Variants in NMNAT2 observed in about 807,000 individuals in gnomAD.
NMNAT2 encodes the protein nicotinamide/nicotinic acid mononucleotide adenylyltransferase 2.
Under a neutral mutation model 41.6 loss-of-function variants are expected in NMNAT2, and 11 were observed. That is an observed-to-expected ratio of 0.26 (90% CI 0.17 to 0.44). The LOEUF (loss-of-function observed/expected upper bound fraction) is 0.44. NMNAT2 is among the 20% of genes least tolerant of loss of function. The pLI, the probability that NMNAT2 is intolerant of heterozygous loss-of-function variation, is 1.00. For synonymous variants in NMNAT2, 148 were observed against 151.2 expected (o/e 0.98, Z 0.16); for missense variants, 288 against 407.7 (o/e 0.71, Z 2.53).
rs1660324486 is a variant in NMNAT2, at chr1:183,249,723, GTGTGTGTGTT to G, written c.*2908_*2917del. The stretch of plus-strand genomic sequence containing the variant: ...TGTGTGTGTGTGTGTGTGTGTGTGT[GTGTGTGTGTT>G]TGGGGGGTAGGGGGTGCGGCGATGG... On this transcript the variant is annotated 3_prime_UTR_variant, in exon 11 of 11. Coordinates refer to ENST00000287713, the MANE Select transcript of NMNAT2 (RefSeq NM_015039.4). 1.3e-5 allele frequency: 2 copies of G among 150,792 alleles called. No individual in the cohort carries two copies. The highest frequency in any genetic ancestry group is 2.2e-4 in the South Asian group (1 of 4,608). The allele number at this position is 150,792 out of a possible 1,614,324, so 9.3% of individuals were successfully genotyped here. A position where few individuals can be genotyped will look rare whatever the true frequency, so the allele number is the denominator to read the frequency against.
chr1:183,255,662 GTTTTT>G (rs56106186), intron 10 of NMNAT2, among the ~76,000 whole-genome samples: 1 of 100,942 alleles, frequency 9.9e-6, no homozygotes, highest in Non-Finnish European at 2.0e-5. Context: ...ATTCCTAAGG[GTTTTT>G]TTTTTTTTTT....
At chr1:183,368,229 C>T (rs1265091706) in intron 1 of NMNAT2, among the ~76,000 whole-genome samples, 2 of 152,094 alleles carry the variant, frequency 1.3e-5, no homozygotes, top group Non-Finnish European at 2.9e-5. Flanking sequence ...AGCACTAGAA[C>T]AGACAGCAAG....
intron 1 of NMNAT2, among the ~76,000 whole-genome samples, chr1:183,330,947 TCTCAGACATGTTGAAGGAGCCTC>T (rs1417925732): frequency 6.6e-6 from 1 of 152,172 alleles, no homozygotes; most frequent in Non-Finnish European, 1.5e-5. Flanking sequence ...CCATTCAACC[TCTCAGACATGTTGAAGGAGCCTC>T]CTCTGTTTCT....
rs966715313 is a variant in NMNAT2 at position 183,294,704 on chromosome 1, C to A, written c.86-911G>T. 3.9e-5 allele frequency among the ~76,000 whole-genome samples: 6 copies of A among 152,236 alleles called. No individual in the cohort carries two copies. In the East Asian group the frequency reaches 1.2e-3, roughly 29 times the overall value. Reference sequence around the variant, plus strand: ...ACTCGGGAGACTGAGGCAGGAGAATCGCTTGAACCCGGGCAGCAGAGATTG... The same window carrying A: ...ACTCGGGAGACTGAGGCAGGAGAATAGCTTGAACCCGGGCAGCAGAGATTG... On this transcript the variant is annotated intron_variant, in intron 1 of 10. Coordinates refer to ENST00000287713, the MANE Select transcript of NMNAT2 (RefSeq NM_015039.4).
chr1:183,392,263 CA>C (rs1318833642), intron 1 of NMNAT2, among the ~76,000 whole-genome samples: 1 of 152,156 alleles, frequency 6.6e-6, no homozygotes, highest in Non-Finnish European at 1.5e-5. Flanking sequence ...GGGTTCAGGC[CA>C]AAAGCCTTGG....
intron 1 of NMNAT2, among the ~76,000 whole-genome samples, chr1:183,380,054 G>T (rs1376000893): frequency 6.6e-6 from 1 of 152,132 alleles, no homozygotes; most frequent in Non-Finnish European, 1.5e-5. Flanking sequence ...TTCCCTATTG[G>T]GTTTACCATA....
At chr1:183,409,429 A>G (rs183707011) in intron 1 of NMNAT2, among the ~76,000 whole-genome samples, 9 of 152,042 alleles carry the variant, frequency 5.9e-5, no homozygotes, top group Admixed American at 5.9e-4. Context: ...CCATCCTCCC[A>G]CCTCAGCCTC....
chr1:183,360,674 C>G (rs1663288316), intron 1 of NMNAT2, among the ~76,000 whole-genome samples: 1 of 152,170 alleles, frequency 6.6e-6, no homozygotes, highest in African/African-American at 2.4e-5. Flanking sequence ...GGAAAACAGG[C>G]TGAAGGAGAA....
At chr1:183,333,024 A>G (rs1164542720) in intron 1 of NMNAT2, among the ~76,000 whole-genome samples, 1 of 152,228 alleles carries the variant, frequency 6.6e-6, no homozygotes, top group Non-Finnish European at 1.5e-5. Context: ...CCAGGTAATG[A>G]CATCCACTCT....
chr1:183,320,775 T>C (rs1188255588), intron 1 of NMNAT2, among the ~76,000 whole-genome samples: 1 of 152,192 alleles, frequency 6.6e-6, no homozygotes, highest in African/African-American at 2.4e-5. Flanking sequence ...ATTTTACAGA[T>C]AAAGAAACTA....
At chr1:183,400,058 G>A (rs960447912) in intron 1 of NMNAT2, among the ~76,000 whole-genome samples, 1 of 152,158 alleles carries the variant, frequency 6.6e-6, no homozygotes, top group Non-Finnish European at 1.5e-5. Context: ...GGAAGTTCTG[G>A]CCAGGGCAAT....
At chr1:183,292,916 G>GCTGGT in intron 2 of NMNAT2, 59 bp from the exon 3 acceptor site, 3 of 1,526,984 alleles carry the variant, frequency 2.0e-6, no homozygotes, top group Non-Finnish European at 2.7e-6. Context: ...ACATCCTTGG[G>GCTGGT]ATACCAGCCC....
rs75193885 is a variant in NMNAT2, at chr1:183,407,521, A to G, written c.85+10662T>C. On this transcript the variant is annotated intron_variant, in intron 1 of 10. Coordinates refer to ENST00000287713, the MANE Select transcript of NMNAT2 (RefSeq NM_015039.4). ...TTCCTAACAGTTTAATCATTCATTC[A>G]TTTGCTAAATATTTTAAGTATCTTC... Among the ~76,000 whole-genome samples the G allele has an allele frequency of 8.6e-4, 131 of 151,986 alleles. 1 individual carries two copies. In the East Asian group the frequency reaches 0.021, roughly 24 times the overall value.
At chr1:183,343,537 T>C (rs944885302) in intron 1 of NMNAT2, among the ~76,000 whole-genome samples, 6 of 152,222 alleles carry the variant, frequency 3.9e-5, no homozygotes, top group African/African-American at 1.4e-4. Flanking sequence ...ATGCAATTTC[T>C]ATGCTATCAA....
chr1:183,313,260 GCCTGAGATCACACATCTCTGA>G (rs1229465243), intron 1 of NMNAT2, among the ~76,000 whole-genome samples: 36 of 152,292 alleles, frequency 2.4e-4, no homozygotes, highest in Admixed American at 9.2e-4. Flanking sequence ...AATCCAGCAT[GCCTGAGATCACACATCTCTGA>G]ACAATAGGCT....
At chr1:183,305,073 G>A (rs1373782825) in intron 1 of NMNAT2, among the ~76,000 whole-genome samples, 1 of 150,286 alleles carries the variant, frequency 6.7e-6, no homozygotes, top group East Asian at 1.9e-4. Flanking sequence ...CAGGCTCCAG[G>A]CTTCTTGGAA....
intron 1 of NMNAT2, among the ~76,000 whole-genome samples, chr1:183,415,948 T>TACA (rs1383955285): frequency 4.6e-5 from 7 of 152,302 alleles, no homozygotes; most frequent in African/African-American, 1.7e-4. Context: ...ACTCTCTGAA[T>TACA]TATACTTTAA....
At chr1:183,285,787 A>G (rs1431360433) in intron 5 of NMNAT2, among the ~76,000 whole-genome samples, 1 of 152,168 alleles carries the variant, frequency 6.6e-6, no homozygotes, top group African/African-American at 2.4e-5. Context: ...ATGAGAACAT[A>G]ATGTCTATAT....
chr1:183,293,839 G>T, intron 1 of NMNAT2, 46 bp from the exon 2 acceptor site: 1 of 1,323,006 alleles, frequency 7.6e-7, no homozygotes, highest in Non-Finnish European at 1.1e-6. Context: ...GAAAGGCATG[G>T]ATTAAAGGTG....
Sources: gnomAD v4.1 joint callset for allele counts (sites outside exome capture counted in the v4.1 genomes callset) on GRCh38, gnomAD v4.1.1 for gene constraint, MANE v1.5 for transcripts, NCBI Gene and HGNC (gene_info 2026-07-23, HGNC 2026-07-21) for gene names.